KCNIP4: variants seen among roughly 807,000 people sequenced by gnomAD.
KCNIP4 encodes the protein Kv channel-interacting protein 4.
A neutral mutation model predicts 34.0 loss-of-function variants in KCNIP4; 12 were observed. The observed-to-expected ratio is 0.35, with a 90% CI of 0.23 to 0.57. KCNIP4 has a LOEUF of 0.57. Among genes scored for constraint, KCNIP4 ranks in the 20% least tolerant of loss-of-function variants. KCNIP4 has a pLI of 0.83. For missense variants in KCNIP4, 238 were observed against 311.7 expected, an observed-to-expected ratio of 0.76 and a Z score of 1.78; for synonymous variants, 124 against 102.2, an observed-to-expected ratio of 1.21 and a Z score of -1.29.
chr4:21,066,286 C>T (rs556958995), intron 1 of KCNIP4, among the ~76,000 whole-genome samples: 33 of 152,230 alleles, frequency 2.2e-4, no homozygotes, highest in African/African-American at 6.5e-4. Context: ...GAAAATAATT[C>T]TCAGAAGAAG....
intron 5 of KCNIP4, among the ~76,000 whole-genome samples, chr4:20,740,698 T>C (rs1750849508): frequency 2.0e-5 from 3 of 152,146 alleles, no homozygotes; most frequent in African/African-American, 7.2e-5. Flanking sequence ...AACATCATAA[T>C]GACAGGATCA....
At chr4:21,117,824 A>G (rs1014662160) in intron 1 of KCNIP4, among the ~76,000 whole-genome samples, 2 of 152,252 alleles carry the variant, frequency 1.3e-5, no homozygotes, top group Non-Finnish European at 2.9e-5. Context: ...TCAGCGCTAC[A>G]GGCAATTAGC....
intron 1 of KCNIP4, among the ~76,000 whole-genome samples, chr4:21,682,993 A>G (rs945156128): frequency 6.6e-6 from 1 of 152,220 alleles, no homozygotes. Flanking sequence ...TGTTTTTGGA[A>G]GAATGGCGCT....
At chr4:21,772,953 T>G (rs1410258517) in intron 1 of KCNIP4, among the ~76,000 whole-genome samples, 1 of 152,164 alleles carries the variant, frequency 6.6e-6, no homozygotes, top group East Asian at 1.9e-4. Flanking sequence ...TTTCTTGTCT[T>G]CTGTAGCTTT....
chr4:20,748,102 CT>C (rs1752752274), intron 5 of KCNIP4, among the ~76,000 whole-genome samples: 1 of 152,204 alleles, frequency 6.6e-6, no homozygotes, highest in South Asian at 2.1e-4. Flanking sequence ...GAATATAGCT[CT>C]GATAAATTCA....
At chr4:21,106,484 C>A (rs963924597) in intron 1 of KCNIP4, among the ~76,000 whole-genome samples, 5 of 151,472 alleles carry the variant, frequency 3.3e-5, no homozygotes, top group African/African-American at 4.9e-5. Flanking sequence ...TGATTCTTCT[C>A]TCTTTTATTC....
chr4:20,957,338 G>A (rs1733416642), intron 1 of KCNIP4, among the ~76,000 whole-genome samples: 1 of 152,104 alleles, frequency 6.6e-6, no homozygotes, highest in Admixed American at 6.6e-5. Flanking sequence ...AGCAATGTGT[G>A]CTTGAATCAG....
intron 1 of KCNIP4, chr4:21,848,944 ATATGTGTGTG>A (rs1724191811): frequency 1.7e-5 from 1 of 57,312 alleles, no homozygotes; most frequent in African/African-American, 6.3e-5. Flanking sequence ...TGATATACAT[ATATGTGTGTG>A]TGTGTGTGTG....
chr4:21,597,936 C>A (rs1329598321), intron 1 of KCNIP4, among the ~76,000 whole-genome samples: 1 of 151,696 alleles, frequency 6.6e-6, no homozygotes, highest in Admixed American at 6.6e-5. Flanking sequence ...AAGAAAAAGA[C>A]AACAGAAGAG....
At chr4:21,229,718 T>C (rs1758658489) in intron 1 of KCNIP4, among the ~76,000 whole-genome samples, 1 of 152,066 alleles carries the variant, frequency 6.6e-6, no homozygotes, top group African/African-American at 2.4e-5. Flanking sequence ...AAGGCATCAT[T>C]GGAGGCGAGA....
intron 1 of KCNIP4, among the ~76,000 whole-genome samples, chr4:21,541,180 C>CAAAAAAAAAAAAAAAAAAAAAA: frequency 9.3e-6 from 1 of 107,492 alleles, no homozygotes; most frequent in Non-Finnish European, 1.9e-5. Context: ...CAAAAGAAAA[C>CAAAAAAAAAAAAAAAAAAAAAA]AAAAAAAAAA....
At chr4:21,307,130 G>GGCAACCGTGCCT (rs1712571274) in intron 1 of KCNIP4, among the ~76,000 whole-genome samples, 2 of 152,054 alleles carry the variant, frequency 1.3e-5, no homozygotes, top group South Asian at 4.1e-4. Flanking sequence ...CAACCGTGCC[G>GGCAACCGTGCCT]GGCCGGCAGG....
intron 1 of KCNIP4, among the ~76,000 whole-genome samples, chr4:21,058,928 T>C (rs1206814127): frequency 6.6e-6 from 1 of 152,076 alleles, no homozygotes; most frequent in African/African-American, 2.4e-5. Flanking sequence ...AATTCTCACG[T>C]GTCATGGGAG....
chr4:20,772,900 CT>C (rs1197784221), intron 3 of KCNIP4, among the ~76,000 whole-genome samples: 4 of 152,154 alleles, frequency 2.6e-5, no homozygotes, highest in African/African-American at 9.7e-5. Flanking sequence ...TCTCAAAGTG[CT>C]GGCATTACAG....
intron 1 of KCNIP4, among the ~76,000 whole-genome samples, chr4:20,904,329 GTGTATA>G (rs1436458300): frequency 1.4e-5 from 2 of 144,932 alleles, no homozygotes; most frequent in African/African-American, 5.1e-5. Flanking sequence ...ATGTGTGTGT[GTGTATA>G]TATATATATA....
chr4:21,595,464 G>A (rs1328766866), intron 1 of KCNIP4, among the ~76,000 whole-genome samples: 1 of 152,082 alleles, frequency 6.6e-6, no homozygotes, highest in Admixed American at 6.6e-5. Context: ...GTATGCATGT[G>A]TCTTTATAGT....
At chr4:21,287,035 G>A (rs1222565924) in intron 1 of KCNIP4, among the ~76,000 whole-genome samples, 1 of 152,092 alleles carries the variant, frequency 6.6e-6, no homozygotes, top group Non-Finnish European at 1.5e-5. Context: ...TGAGCTTCTG[G>A]GAAGGGCCTA....
intron 1 of KCNIP4, among the ~76,000 whole-genome samples, chr4:21,661,148 G>A (rs1209789689): frequency 6.6e-6 from 1 of 152,128 alleles, no homozygotes; most frequent in African/African-American, 2.4e-5. Context: ...TCAGCCACGG[G>A]ACGGCTGAAC....
intron 1 of KCNIP4, among the ~76,000 whole-genome samples, chr4:21,400,276 A>G (rs1402032543): frequency 1.3e-5 from 2 of 152,132 alleles, no homozygotes; most frequent in Non-Finnish European, 2.9e-5. Flanking sequence ...GTCCAGAGGA[A>G]CAAATATAGG....
Sources: gnomAD v4.1 joint callset for allele counts (sites outside exome capture counted in the v4.1 genomes callset) on GRCh38, gnomAD v4.1.1 for gene constraint, MANE v1.5 for transcripts, NCBI Gene and HGNC (gene_info 2026-07-23, HGNC 2026-07-21) for gene names.